Variants in BLTP1 observed in about 807,000 individuals in gnomAD.
BLTP1 encodes bridge-like lipid transfer protein family member 1, also known as fragile site-associated protein.
chr4:122,343,730 T>G, the BLTP1 span: 8 of 1,052,708 alleles, frequency 7.6e-6, no homozygotes, highest in South Asian at 1.1e-4. Context: ...TTTTTCCTCT[T>G]TGATAATACC....
At chr4:122,262,730 C>T in the BLTP1 span, 1 of 1,528,024 alleles carries the variant, frequency 6.5e-7, no homozygotes, top group African/African-American at 1.4e-5. Flanking sequence ...TTTTTATATA[C>T]ATAAGAAATA....
At chr4:122,338,051 A>G in the BLTP1 span, among the ~76,000 whole-genome samples, 3 of 152,050 alleles carry the variant, frequency 2.0e-5, no homozygotes, top group Non-Finnish European at 2.9e-5. Flanking sequence ...ACTATCTTCT[A>G]TAACAGTAAT....
the BLTP1 span, chr4:122,244,982 G>A: frequency 1.4e-5 from 23 of 1,596,208 alleles, no homozygotes; most frequent in Non-Finnish European, 1.8e-5. Flanking sequence ...TAGAATCAAC[G>A]ACATTTAAAT....
At chr4:122,343,233 C>A in the BLTP1 span, 1 of 370,572 alleles carries the variant, frequency 2.7e-6, no homozygotes, top group Non-Finnish European at 3.7e-6. Context: ...TTGGAAAATA[C>A]ATCTAAGTCT....
the BLTP1 span, chr4:122,325,978 C>A: frequency 4.5e-6 from 2 of 440,534 alleles, no homozygotes; most frequent in Non-Finnish European, 8.2e-6. Flanking sequence ...TGAAAATCTA[C>A]TTTCAAAATA....
chr4:122,309,424 C>T, the BLTP1 span: 1 of 1,613,246 alleles, frequency 6.2e-7, no homozygotes, highest in Non-Finnish European at 8.5e-7. Flanking sequence ...CATGGGATGA[C>T]TGGAAACCAG....
the BLTP1 span, among the ~76,000 whole-genome samples, chr4:122,277,331 C>T: frequency 3.3e-5 from 5 of 151,914 alleles, no homozygotes; most frequent in African/African-American, 1.2e-4. Context: ...ACAACGAGAC[C>T]CCATCTTAAA....
At chr4:122,230,719 T>C in the BLTP1 span, among the ~76,000 whole-genome samples, 4 of 152,154 alleles carry the variant, frequency 2.6e-5, no homozygotes, top group Non-Finnish European at 4.4e-5. Context: ...CAGCACCTCT[T>C]ACTGAATCAC....
At chr4:122,340,719 G>C in the BLTP1 span, 10 of 985,066 alleles carry the variant, frequency 1.0e-5, no homozygotes, top group Admixed American at 6.2e-5. Context: ...CTAGTACTTA[G>C]CTTCAAAATA....
chr4:122,220,313 G>C, the BLTP1 span: 1 of 1,610,296 alleles, frequency 6.2e-7, no homozygotes, highest in Non-Finnish European at 8.5e-7. Context: ...TTTCAACTGT[G>C]CTATTTCATT....
At chr4:122,215,217 A>G in the BLTP1 span, 2 of 416,146 alleles carry the variant, frequency 4.8e-6, no homozygotes, top group Non-Finnish European at 6.5e-6. Context: ...AATTATTTCC[A>G]TTTCAGATAA....
the BLTP1 span, chr4:122,349,266 A>C: frequency 6.2e-7 from 1 of 1,613,682 alleles, no homozygotes; most frequent in East Asian, 2.2e-5. The surrounding 1 kb of genome is among the most constrained non-coding windows in gnomAD (Gnocchi z 4.5). Flanking sequence ...TAGATTCTAA[A>C]GGAGGAGTAG....
chr4:122,204,200 T>C, the BLTP1 span, among the ~76,000 whole-genome samples: 1 of 151,852 alleles, frequency 6.6e-6, no homozygotes. Flanking sequence ...GTATATTGAG[T>C]GCAAGTGCAA....
the BLTP1 span, among the ~76,000 whole-genome samples, chr4:122,348,097 G>A: frequency 2.6e-5 from 4 of 152,136 alleles, no homozygotes; most frequent in South Asian, 2.1e-4. Flanking sequence ...TGTAGTTCTC[G>A]TCAAAAGATT....
the BLTP1 span, among the ~76,000 whole-genome samples, chr4:122,195,448 T>G: frequency 6.6e-6 from 1 of 152,102 alleles, no homozygotes; most frequent in Non-Finnish European, 1.5e-5. Context: ...TTTTTATTGC[T>G]TTCACTTAAA....
At chr4:122,196,551 A>G in the BLTP1 span, 1 of 1,119,430 alleles carries the variant, frequency 8.9e-7, no homozygotes, top group Non-Finnish European at 1.3e-6. Flanking sequence ...GATAATAAAA[A>G]ATTAGAATAT....
At chr4:122,252,140 C>T in the BLTP1 span, among the ~76,000 whole-genome samples, 3 of 152,164 alleles carry the variant, frequency 2.0e-5, no homozygotes, top group Admixed American at 2.0e-4. Context: ...CCTGAATAAC[C>T]AGCAGCAGTA....
chr4:122,281,588 C>T, the BLTP1 span: 2 of 1,612,004 alleles, frequency 1.2e-6, no homozygotes, highest in African/African-American at 2.7e-5. Context: ...TGAAAAAACC[C>T]CAACAAGTGT....
chr4:122,250,389 A>G, the BLTP1 span: 2 of 1,612,084 alleles, frequency 1.2e-6, no homozygotes, highest in South Asian at 1.1e-5. Flanking sequence ...GCTGTTTTAT[A>G]TAACAGTTTT....
Sources: allele counts gnomAD v4.1 joint callset (sites outside exome capture counted in the v4.1 genomes callset), GRCh38; gene constraint gnomAD v4.1.1; non-coding constraint Gnocchi (gnomAD v3.1); transcripts MANE v1.5; gene names NCBI Gene and HGNC (gene_info 2026-07-23, HGNC 2026-07-21).